RHBDL2: variants seen among roughly 807,000 people sequenced by gnomAD.
The protein encoded by RHBDL2 is rhomboid like 2.
In RHBDL2, 26 loss-of-function variants were observed where a neutral mutation model predicts 31.7. That is an observed-to-expected ratio of 0.82 (90% confidence interval 0.60 to 1.14). The LOEUF (loss-of-function observed/expected upper bound fraction) is 1.14, where lower values mean the gene tolerates loss of function less well. Ranked by LOEUF, RHBDL2 falls within the 50% of genes most tolerant of loss-of-function variation. The pLI is 0.00. For synonymous variants in RHBDL2, 123 were observed against 127.2 expected, an observed-to-expected ratio of 0.97 and a Z score of 0.22; for missense variants, 336 against 364.4, an observed-to-expected ratio of 0.92 and a Z score of 0.63.
At chr1:38,909,335 G>A (rs1002954092) in intron 4 of RHBDL2, among the ~76,000 whole-genome samples, 1 of 152,014 alleles carries the variant, frequency 6.6e-6, no homozygotes, top group Admixed American at 6.6e-5. Context: ...TCCGTATCAC[G>A]AGCACAGGTA....
intron 1 of RHBDL2, among the ~76,000 whole-genome samples, chr1:38,937,197 C>T (rs1235612582): frequency 6.6e-6 from 1 of 152,096 alleles, no homozygotes; most frequent in African/African-American, 2.4e-5. Context: ...CCACCCGCCT[C>T]GGCCTCTCAA....
intron 4 of RHBDL2, among the ~76,000 whole-genome samples, chr1:38,907,545 T>G (rs1279770587): frequency 6.8e-6 from 1 of 147,320 alleles, no homozygotes; most frequent in East Asian, 2.1e-4. Flanking sequence ...TGTCTCAAAA[T>G]AAATAAATAC....
intron 6 of RHBDL2, among the ~76,000 whole-genome samples, chr1:38,892,471 C>A (rs9438982): frequency 0.56 from 84,686 of 151,856 alleles, 25,129 homozygotes; most frequent in Non-Finnish European, 0.67. Flanking sequence ...TACTAAAAGC[C>A]AAAATACATC....
chr1:38,934,439 G>A (rs1276281014), intron 1 of RHBDL2, among the ~76,000 whole-genome samples: 1 of 151,866 alleles, frequency 6.6e-6, no homozygotes. Context: ...AGAAGATCGT[G>A]AGGTCAGGAG....
chr1:38,916,849 G>A (rs140016724), intron 2 of RHBDL2, among the ~76,000 whole-genome samples: 2,658 of 128,716 alleles, frequency 0.021, 83 homozygotes, highest in African/African-American at 0.072. Flanking sequence ...TCCAGCCTGG[G>A]CGACAGAGCG....
At chr1:38,904,930 C>T (rs1356461200) in intron 4 of RHBDL2, among the ~76,000 whole-genome samples, 1 of 149,776 alleles carries the variant, frequency 6.7e-6, no homozygotes, top group Non-Finnish European at 1.5e-5. Flanking sequence ...ACTCGGGAGG[C>T]TGAGGCAGGA....
intron 1 of RHBDL2, among the ~76,000 whole-genome samples, chr1:38,928,141 C>CTTTTT (rs1209464598): frequency 8.4e-5 from 11 of 130,356 alleles, no homozygotes; most frequent in African/African-American, 2.4e-4. Context: ...TTTTTTCTTT[C>CTTTTT]TTTTTTTTTT....
intron 4 of RHBDL2, among the ~76,000 whole-genome samples, chr1:38,909,052 A>G (rs1031432160): frequency 6.6e-6 from 1 of 152,136 alleles, no homozygotes. Context: ...CCGGCTGGTC[A>G]GTGGCCTGCT....
intron 1 of RHBDL2, among the ~76,000 whole-genome samples, chr1:38,938,754 T>C (rs1435687399): frequency 1.3e-5 from 2 of 152,220 alleles, no homozygotes; most frequent in East Asian, 1.9e-4. Flanking sequence ...CGAGGATGCA[T>C]GGTAGAATTA....
At chr1:38,887,915 T>C (rs1395015931) in intron 7 of RHBDL2, 48 bp downstream of exon 7, 2 of 1,363,326 alleles carry the variant, frequency 1.5e-6, no homozygotes, top group Non-Finnish European at 1.0e-6. Context: ...TAACCCTTTT[T>C]GACAGTAAAC....
At chr1:38,892,684 G>A (rs972690909) in intron 6 of RHBDL2, among the ~76,000 whole-genome samples, 5 of 152,186 alleles carry the variant, frequency 3.3e-5, no homozygotes, top group Non-Finnish European at 5.9e-5. Context: ...ATGATTATGT[G>A]AAATAGGTCA....
chr1:38,895,984 A>G lies in RHBDL2; in HGVS notation c.594T>C (p.Phe198=). 1 of 1,612,244 alleles carries G rather than the reference A, an allele frequency of 6.2e-7. No homozygotes were observed. Reference sequence around the variant, plus strand: ...TGGTTCTTACCACCAGAACATTCATAAAATAGCCTCCCATCAGAGCATAGA... The same window carrying G: ...TGGTTCTTACCACCAGAACATTCATGAAATAGCCTCCCATCAGAGCATAGA... ...GGVYALMGGY[F]MNVLVNFQEM... The change falls in exon 5 of 8, where the codon TTT becomes TTC. Residue 198 remains phenylalanine, a synonymous_variant. Coordinates refer to ENST00000372990, the MANE Select transcript of RHBDL2 (RefSeq NM_017821.5).
intron 1 of RHBDL2, among the ~76,000 whole-genome samples, chr1:38,927,150 G>C (rs1013723904): frequency 6.6e-6 from 1 of 152,134 alleles, no homozygotes; most frequent in Non-Finnish European, 1.5e-5. Context: ...CTACCGGGCA[G>C]GGCGCGGTGG....
intron 1 of RHBDL2, among the ~76,000 whole-genome samples, chr1:38,923,771 T>G (rs1029125740): frequency 6.6e-6 from 1 of 152,204 alleles, no homozygotes; most frequent in African/African-American, 2.4e-5. Context: ...GGGTGGAGAT[T>G]TACTGCACTG....
chr1:38,941,154 T>C (rs1398427994), intron 1 of RHBDL2, among the ~76,000 whole-genome samples: 2 of 152,074 alleles, frequency 1.3e-5, no homozygotes, highest in Non-Finnish European at 2.9e-5. Flanking sequence ...TGAACACTAA[T>C]GAATAAATGA....
At chr1:38,935,676 G>A (rs747841068) in intron 1 of RHBDL2, among the ~76,000 whole-genome samples, 39 of 151,698 alleles carry the variant, frequency 2.6e-4, no homozygotes, top group Non-Finnish European at 5.4e-4. Flanking sequence ...ATAGTGGCAT[G>A]ATCTCAGCTC....
At chr1:38,905,740 T>A (rs1643056031) in intron 4 of RHBDL2, among the ~76,000 whole-genome samples, 1 of 122,254 alleles carries the variant, frequency 8.2e-6, no homozygotes. Flanking sequence ...TGACAGAGAC[T>A]CTGTCTCAAG....
chr1:38,919,287 G>T lies in RHBDL2; in HGVS notation c.-75C>A. ...GCAGGTGGCCCTAGGTCCTCAGGCT[G>T]CCGCTCTTCCCTGGGCTGTCTGGCG... On this transcript the variant is annotated 5_prime_UTR_variant, in exon 2 of 8. Coordinates refer to ENST00000372990, the MANE Select transcript of RHBDL2 (RefSeq NM_017821.5). 1.2e-6 allele frequency: 2 copies of T among 1,611,212 alleles called. No homozygotes were observed. Among genetic ancestry groups the T allele is most frequent in the South Asian group, 1.1e-5 (1 of 90,744 alleles).
intron 4 of RHBDL2, among the ~76,000 whole-genome samples, chr1:38,902,872 A>T (rs1643013440): frequency 6.6e-6 from 1 of 152,184 alleles, no homozygotes; most frequent in Admixed American, 6.6e-5. Flanking sequence ...GTTAAACTAG[A>T]TATTAACAAC....
Sources: gnomAD v4.1 joint callset for allele counts (sites outside exome capture counted in the v4.1 genomes callset) on GRCh38, gnomAD v4.1.1 for gene constraint, MANE v1.5 for transcripts, NCBI Gene and HGNC (gene_info 2026-07-23, HGNC 2026-07-21) for gene names.